The following SYTL4 variants were observed in gnomAD, a reference collection of about 807,000 sequenced individuals.
SYTL4 encodes the protein synaptotagmin like 4.
In SYTL4, 16 loss-of-function variants were observed where a neutral mutation model predicts 52.7. That is an observed-to-expected ratio of 0.30 (90% CI 0.21 to 0.46). SYTL4 has a LOEUF of 0.46. Ranked by LOEUF, SYTL4 falls within the 20% of genes least tolerant of loss-of-function variation. The pLI is 1.00. For synonymous variants in SYTL4, 160 were observed against 186.6 expected (o/e 0.86, Z 1.16); for missense variants, 423 against 519.9 (o/e 0.81, Z 1.81).
At chrX:100,680,216 CCTT>C (rs2083348514) in intron 17 of SYTL4, among the ~76,000 whole-genome samples, 1 of 110,911 alleles carries the variant, frequency 9.0e-6, no homozygotes, top group Non-Finnish European at 1.9e-5. Context: ...AACCTCCGCC[CCTT>C]CTTCTTGAAG....
intron 14 of SYTL4, 143 bp from the exon 15 acceptor site, chrX:100,686,924 C>T (rs2083484448): frequency 3.5e-6 from 3 of 863,603 alleles, no homozygotes; most frequent in African/African-American, 2.0e-5. Flanking sequence ...GCCATTCTTG[C>T]TTTTTCCCAA....
intron 8 of SYTL4, among the ~76,000 whole-genome samples, chrX:100,696,515 T>C (rs2083709310): frequency 8.9e-6 from 1 of 112,097 alleles, no homozygotes; most frequent in Non-Finnish European, 1.9e-5. Context: ...CACCTTTTCA[T>C]GTGCTTATCT....
chrX:100,697,808 C>A (rs2083735231), intron 8 of SYTL4, among the ~76,000 whole-genome samples: 1 of 111,306 alleles, frequency 9.0e-6, no homozygotes, highest in Non-Finnish European at 1.9e-5. Context: ...AACTGAAAAC[C>A]AAATTAATAG....
chrX:100,719,151 T>C (rs973431615), intron 2 of SYTL4, among the ~76,000 whole-genome samples: 1 of 111,812 alleles, frequency 8.9e-6, no homozygotes, highest in African/African-American at 3.3e-5. Flanking sequence ...ACAATGATAG[T>C]TAACACTTCT....
chrX:100,675,247 C>G lies in SYTL4; in HGVS notation c.*781G>C, dbSNP rs2083257860. The stretch of plus-strand genomic sequence containing the variant: ...GTGAGACACTTTACCCTCAGTCACT[C>G]TGGTCCTCTGAGATCAGCTAGAAGC... On this transcript the variant is annotated 3_prime_UTR_variant, in exon 20 of 20. Coordinates refer to ENST00000372989, the MANE Select transcript of SYTL4 (RefSeq NM_001370165.1). The G allele has an allele frequency of 8.9e-6, 1 of 112,852 alleles. No individual in the cohort carries two copies. The highest frequency in any genetic ancestry group is 3.2e-5 in the African/African-American group (1 of 31,020). The allele number at this position is 112,852 out of a possible 1,213,427, so 9.3% of individuals were successfully genotyped here.
At chrX:100,679,053 G>A (rs780590650) in intron 18 of SYTL4, among the ~76,000 whole-genome samples, 1 of 111,938 alleles carries the variant, frequency 8.9e-6, no homozygotes, top group Admixed American at 9.4e-5. Flanking sequence ...AGAAGACACA[G>A]ATTTTCACCC....
chrX:100,701,171 A>G, intron 7 of SYTL4, 49 bp downstream of exon 7: 1 of 1,055,193 alleles, frequency 9.5e-7, no homozygotes, highest in Non-Finnish European at 1.3e-6. Context: ...TACCAGTCAG[A>G]ATACACTAGG....
chrX:100,675,747 GA>G lies in SYTL4; in HGVS notation c.*280del, dbSNP rs2083264179. The G allele has an allele frequency of 4.1e-6, 1 of 244,963 alleles. No homozygotes were observed. Among genetic ancestry groups the G allele is most frequent in the Admixed American group, 6.5e-5 (1 of 15,385 alleles). The allele number at this position is 244,963 out of a possible 1,213,427, so 20.2% of individuals were successfully genotyped here. A position where few individuals can be genotyped will look rare whatever the true frequency, so the allele number is the denominator to read the frequency against. ...TTAAGTGAACCTTATAAAGACATAA[GA>G]AAAAATGGACTCTGAAAATAAACTA... is the stretch of plus-strand genomic sequence containing the variant. On this transcript the variant is annotated 3_prime_UTR_variant, in exon 20 of 20. Coordinates refer to ENST00000372989, the MANE Select transcript of SYTL4 (RefSeq NM_001370165.1).
In SYTL4 at chrX:100,729,016, G is replaced by A. The variant is rs201992688; in HGVS notation, c.-240+2402C>T. 6.5e-5 allele frequency among the ~76,000 whole-genome samples: 7 copies of A among 107,480 alleles called. No individual in the cohort carries two copies. The East Asian group carries it at 2.0e-3, about 31-fold the overall frequency. 93.3% of individuals were successfully genotyped at this position (107,480 alleles called of 115,157 possible). On this transcript the variant is annotated intron_variant, in intron 2 of 19. Transcript: ENST00000372989. ...CGCGCCACTGTACTCTAGCCTGGGC[G>A]ACACAGCGAAACTCTGCCTCAAAAA... is the stretch of plus-strand genomic sequence containing the variant.
In SYTL4 at chrX:100,675,889, T is replaced by TACAC. The variant is rs10623103; in HGVS notation, c.*135_*138dup. 0.025 allele frequency: 9,644 copies of TACAC among 393,001 alleles called. 105 individuals are homozygous for TACAC. The highest frequency in any genetic ancestry group is 0.061 in the African/African-American group (2,137 of 35,001). 32.4% of individuals were successfully genotyped at this position (393,001 alleles called of 1,213,427 possible). On this transcript the variant is annotated 3_prime_UTR_variant, in exon 20 of 20. Coordinates refer to ENST00000372989, the MANE Select transcript of SYTL4 (RefSeq NM_001370165.1). ...GAGATTTGCAGAAAATACATGTTTG[T>TACAC]ACACATACACACACACACACACACA... is the stretch of plus-strand genomic sequence containing the variant.
intron 2 of SYTL4, among the ~76,000 whole-genome samples, chrX:100,724,082 G>A (rs1436715019): frequency 2.1e-5 from 2 of 93,211 alleles, no homozygotes; most frequent in African/African-American, 4.2e-5. Flanking sequence ...CTGCCCGGCC[G>A]CCCCTGCTGG....
chrX:100,674,930 C>T lies in SYTL4; in HGVS notation c.*1098G>A, dbSNP rs1160255338. On this transcript the variant is annotated 3_prime_UTR_variant, in exon 20 of 20. Transcript: ENST00000372989. ...CAATAGCAAAAACAGGAACTGAAAG[C>T]TCATCAAGCAGGAAGTCAGAATAAC... The T allele has an allele frequency of 9.0e-6, 1 of 111,624 alleles. No individual in the cohort carries two copies. Among genetic ancestry groups the T allele is most frequent in the African/African-American group, 3.3e-5 (1 of 30,701 alleles). 9.2% of individuals were successfully genotyped at this position (111,624 alleles called of 1,213,427 possible).
chrX:100,709,198 A>G (rs1469380958), intron 2 of SYTL4, among the ~76,000 whole-genome samples: 2 of 111,110 alleles, frequency 1.8e-5, no homozygotes, highest in African/African-American at 6.6e-5. Flanking sequence ...CTGTGGTTAA[A>G]AGCTTGGACT....
Position 100,675,716 on chromosome X carries a change from TTTAAG to T in SYTL4, c.*307_*311del, listed in dbSNP as rs1454021818. 5.2e-6 allele frequency: 1 copy of T among 191,803 alleles called. No homozygotes were observed. The highest frequency in any genetic ancestry group is 9.5e-6 in the Non-Finnish European group (1 of 105,128). 15.8% of individuals were successfully genotyped at this position (191,803 alleles called of 1,213,427 possible). The stretch of plus-strand genomic sequence containing the variant: ...ATAAAAAGTTGTTTTAAAAGCTGTT[TTTAAG>T]TTAAGTGAACCTTATAAAGACATAA... On this transcript the variant is annotated 3_prime_UTR_variant, in exon 20 of 20. Coordinates refer to ENST00000372989, the MANE Select transcript of SYTL4 (RefSeq NM_001370165.1).
intron 2 of SYTL4, among the ~76,000 whole-genome samples, chrX:100,713,808 C>A (rs1248161507): frequency 1.0e-4 from 11 of 109,909 alleles, no homozygotes; most frequent in Non-Finnish European, 1.7e-4. Flanking sequence ...ATACACATAG[C>A]AACATGAACG....
Position 100,686,110 on chromosome X carries a change from C to A in SYTL4, c.1329G>T (p.Gln443His), listed in dbSNP as rs1227033878. Residue 443 changes from glutamine to histidine, a missense_variant, in exon 16 of 20, where the codon CAG (glutamine) becomes CAT (histidine). Transcript: ENST00000372989. ...AACGACCATGATGCCAAACTGAGAA[C>A]TGCAGGGTCCTCTGGGCCAGGAGAG... is the stretch of plus-strand genomic sequence containing the variant. Reference protein sequence around the residue: ...PESLLAQRTLQFSVWHHGRFG... With the variant: ...PESLLAQRTLHFSVWHHGRFG... 5 of 1,208,725 alleles carry A rather than the reference C, an allele frequency of 4.1e-6. No homozygotes were observed. The highest frequency in any genetic ancestry group is 5.6e-6 in the Non-Finnish European group (5 of 894,619).
intron 2 of SYTL4, among the ~76,000 whole-genome samples, chrX:100,717,520 T>C (rs760308592): frequency 1.9e-4 from 21 of 113,023 alleles, no homozygotes; most frequent in Non-Finnish European, 3.0e-4. Flanking sequence ...TTGGTTTAAA[T>C]TGTAAGGGAG....
At chrX:100,682,093 G>A (rs1023522480) in intron 16 of SYTL4, among the ~76,000 whole-genome samples, 2 of 111,506 alleles carry the variant, frequency 1.8e-5, no homozygotes, top group African/African-American at 6.5e-5. Flanking sequence ...GAACAGAGAA[G>A]CTAAGTAACT....
At chrX:100,723,863 G>C (rs1331754942) in intron 2 of SYTL4, among the ~76,000 whole-genome samples, 1 of 109,303 alleles carries the variant, frequency 9.1e-6, no homozygotes, top group Non-Finnish European at 1.9e-5. Flanking sequence ...ACCCCGTCCG[G>C]GAGGGAGGTG....
Sources: gnomAD v4.1 joint callset for allele counts (sites outside exome capture counted in the v4.1 genomes callset) on GRCh38, gnomAD v4.1.1 for gene constraint, MANE v1.5 for transcripts, NCBI Gene and HGNC (gene_info 2026-07-23, HGNC 2026-07-21) for gene names.